The following PTPRD variants were observed in gnomAD, a reference collection of about 807,000 sequenced individuals.
PTPRD encodes the protein protein tyrosine phosphatase receptor type D, also known as receptor-type tyrosine-protein phosphatase delta.
In PTPRD, 34 loss-of-function variants were observed where a neutral mutation model predicts 214.5. The ratio of observed to expected loss-of-function variants is 0.16; its 90% confidence interval spans 0.12 to 0.21. PTPRD has a LOEUF of 0.21. Ranked by LOEUF, PTPRD falls within the 10% of genes least tolerant of loss-of-function variation. PTPRD has a pLI of 1.00. For synonymous variants in PTPRD, 1,128 were observed against 845.7 expected (o/e 1.33, Z -5.79); for missense variants, 2,545 against 2,398.7 (o/e 1.06, Z -1.27).
intron 3 of PTPRD, among the ~76,000 whole-genome samples, chr9:10,220,773 G>A (rs1229123313): frequency 2.6e-5 from 4 of 151,528 alleles, no homozygotes; most frequent in African/African-American, 9.7e-5. Context: ...TTGTATATAT[G>A]CACATGCTAT....
chr9:8,785,162 T>C (rs1444345744), intron 11 of PTPRD, among the ~76,000 whole-genome samples: 3 of 151,734 alleles, frequency 2.0e-5, no homozygotes, highest in Non-Finnish European at 4.4e-5. Context: ...GACACAAATA[T>C]GTACAAGAAA....
At chr9:9,272,950 C>T (rs1286022863) in intron 9 of PTPRD, among the ~76,000 whole-genome samples, 1 of 151,234 alleles carries the variant, frequency 6.6e-6, no homozygotes, top group Non-Finnish European at 1.5e-5. Context: ...CATTAGATAG[C>T]GCTATATGCC....
At chr9:10,049,250 C>T (rs2097473774) in intron 3 of PTPRD, among the ~76,000 whole-genome samples, 1 of 151,916 alleles carries the variant, frequency 6.6e-6, no homozygotes, top group Non-Finnish European at 1.5e-5. Context: ...CTCATTTTTC[C>T]AGGACAGACA....
At chr9:8,449,090 T>C (rs984409794) in intron 34 of PTPRD, among the ~76,000 whole-genome samples, 2 of 152,204 alleles carry the variant, frequency 1.3e-5, no homozygotes, top group African/African-American at 4.8e-5. Context: ...GTAGGAATAG[T>C]AGTGTTCCTC....
At chr9:9,779,811 T>A (rs79937129) in intron 5 of PTPRD, among the ~76,000 whole-genome samples, 4,193 of 152,300 alleles carry the variant, frequency 0.028, 108 homozygotes, top group South Asian at 0.1. Flanking sequence ...TAAATTAGTA[T>A]GTAAATTAGT....
intron 10 of PTPRD, among the ~76,000 whole-genome samples, chr9:9,111,032 T>A (rs905807530): frequency 5.3e-5 from 8 of 151,998 alleles, no homozygotes; most frequent in African/African-American, 1.9e-4. Flanking sequence ...GAGAGAAAGA[T>A]GCCATCTACA....
chr9:9,721,088 A>G (rs997832766), intron 7 of PTPRD, among the ~76,000 whole-genome samples: 1 of 152,162 alleles, frequency 6.6e-6, no homozygotes. Flanking sequence ...CCTCTGTGAC[A>G]TGAGTTTATC....
intron 6 of PTPRD, among the ~76,000 whole-genome samples, chr9:9,738,439 C>CGTTTTT: frequency 1.3e-5 from 1 of 76,518 alleles, no homozygotes; most frequent in South Asian, 5.4e-4. Flanking sequence ...CACTCACTCA[C>CGTTTTT]TTTTTTTTTT....
chr9:9,458,846 G>A (rs114635867), intron 8 of PTPRD, among the ~76,000 whole-genome samples: 2,851 of 152,120 alleles, frequency 0.019, 85 homozygotes, highest in African/African-American at 0.065. Context: ...AGGTTGAAGT[G>A]GAAGGATTGC....
chr9:9,247,140 G>T (rs759572961), intron 9 of PTPRD, among the ~76,000 whole-genome samples: 4 of 152,044 alleles, frequency 2.6e-5, no homozygotes, highest in Non-Finnish European at 4.4e-5. Flanking sequence ...TGACCATAAA[G>T]AAATTCTTTG....
chr9:8,505,736 T>A (rs2097532096), intron 22 of PTPRD, among the ~76,000 whole-genome samples: 1 of 151,938 alleles, frequency 6.6e-6, no homozygotes, highest in Admixed American at 6.6e-5. Flanking sequence ...TTTCAGGAAT[T>A]TTAGATCCAC....
chr9:10,076,904 T>C (rs147367716), intron 3 of PTPRD, among the ~76,000 whole-genome samples: 3 of 152,226 alleles, frequency 2.0e-5, no homozygotes, highest in East Asian at 3.9e-4. Context: ...ATTTGTAGAG[T>C]AGATGTTGCA....
At chr9:10,162,838 CA>C (rs1264928318) in intron 3 of PTPRD, among the ~76,000 whole-genome samples, 2 of 149,818 alleles carry the variant, frequency 1.3e-5, no homozygotes, top group Non-Finnish European at 3.0e-5. Context: ...TACACACAAA[CA>C]TTTTTTGGTT....
chr9:9,560,247 C>T (rs2082562299), intron 8 of PTPRD, among the ~76,000 whole-genome samples: 1 of 152,206 alleles, frequency 6.6e-6, no homozygotes, highest in South Asian at 2.1e-4. Context: ...CACTCCACCA[C>T]AGTAGGTGGT....
chr9:10,454,914 CA>C (rs1255329227), intron 2 of PTPRD, among the ~76,000 whole-genome samples: 1 of 151,558 alleles, frequency 6.6e-6, no homozygotes, highest in Non-Finnish European at 1.5e-5. Flanking sequence ...TGAGTGCAGA[CA>C]AAAAAGTTCA....
At chr9:10,508,326 G>T (rs2046772906) in intron 2 of PTPRD, among the ~76,000 whole-genome samples, 1 of 152,096 alleles carries the variant, frequency 6.6e-6, no homozygotes. Context: ...GGAGAAATAG[G>T]AACACTTTTA....
At chr9:9,251,852 T>C (rs1268618825) in intron 9 of PTPRD, among the ~76,000 whole-genome samples, 1 of 152,120 alleles carries the variant, frequency 6.6e-6, no homozygotes, top group Non-Finnish European at 1.5e-5. Context: ...ATTTAGTCGC[T>C]GCAGCAGTCT....
At chr9:8,833,711 TATATACACACACACACACACACACACAC>T (rs2097349373) in intron 11 of PTPRD, among the ~76,000 whole-genome samples, 1 of 137,518 alleles carries the variant, frequency 7.3e-6, no homozygotes, top group African/African-American at 2.7e-5. Context: ...TATATATATA[TATATACACACACACACACACACACACAC>T]ACACACACGA....
chr9:8,412,536 A>ATCTG (rs1201503869), intron 35 of PTPRD, among the ~76,000 whole-genome samples: 1 of 152,186 alleles, frequency 6.6e-6, no homozygotes, highest in African/African-American at 2.4e-5. Context: ...ATGCTGACAC[A>ATCTG]TCTGTATAGA....
Sources: gnomAD v4.1 joint callset for allele counts (sites outside exome capture counted in the v4.1 genomes callset) on GRCh38, gnomAD v4.1.1 for gene constraint, MANE v1.5 for transcripts, NCBI Gene and HGNC (gene_info 2026-07-23, HGNC 2026-07-21) for gene names.